LRP2: variants seen among roughly 807,000 people sequenced by gnomAD.
LRP2 encodes LDL receptor related protein 2, also known as low-density lipoprotein receptor-related protein 2.
In LRP2, 172 loss-of-function variants were observed where a neutral mutation model predicts 531.0. The ratio of observed to expected loss-of-function variants is 0.32; its 90% CI spans 0.29 to 0.37. LRP2 has a LOEUF of 0.37. LRP2 is among the 10% of genes least tolerant of loss of function. The probability of loss-of-function intolerance (pLI) is 1.00; values close to 1 mark genes in which losing one functional copy is unlikely to be tolerated. For missense variants in LRP2, 5,167 were observed against 5,868.3 expected, an observed-to-expected ratio of 0.88 and a Z score of 3.90; for synonymous variants, 1,992 against 2,027.6, an observed-to-expected ratio of 0.98 and a Z score of 0.47.
rs1686201146 is a variant in LRP2, at chr2:169,152,981, A to G, written c.12296-17T>C. 1.2e-6 allele frequency: 2 copies of G among 1,612,942 alleles called. No individual in the cohort carries two copies. Among genetic ancestry groups the G allele is most frequent in the East Asian group, 4.5e-5 (2 of 44,878 alleles). ...ACACAACACCTACAGAGGAAGACAC[A>G]CAGGTCAGTTTCATGTCAAGAGCAT... On this transcript the variant is annotated splice_polypyrimidine_tract_variant and intron_variant, in intron 66 of 78. Coordinates refer to ENST00000649046, the MANE Select transcript of LRP2 (RefSeq NM_004525.3).
chr2:169,345,897 CT>C (rs1685685941), intron 1 of LRP2, among the ~76,000 whole-genome samples: 1 of 152,164 alleles, frequency 6.6e-6, no homozygotes, highest in Admixed American at 6.5e-5. Context: ...AGTCAATTGT[CT>C]TTGATCCACC....
chr2:169,219,429 A>G (rs1688909251), intron 34 of LRP2, among the ~76,000 whole-genome samples: 1 of 152,218 alleles, frequency 6.6e-6, no homozygotes, highest in Non-Finnish European at 1.5e-5. Context: ...GAAATAGCCA[A>G]TCAAACAGAC....
intron 16 of LRP2, among the ~76,000 whole-genome samples, chr2:169,263,646 T>A (rs1041034046): frequency 7.9e-5 from 12 of 150,984 alleles, no homozygotes; most frequent in Admixed American, 3.3e-4. Flanking sequence ...ACACTGTTGG[T>A]GGGACTGTAA....
chr2:169,180,498 G>C (rs1687387107), intron 52 of LRP2, among the ~76,000 whole-genome samples: 1 of 152,184 alleles, frequency 6.6e-6, no homozygotes, highest in South Asian at 2.1e-4. Flanking sequence ...AAAGTACTTG[G>C]ATTGATTAAT....
At chr2:169,220,673 G>A in intron 33 of LRP2, 110 bp from the exon 34 acceptor site, 1 of 714,400 alleles carries the variant, frequency 1.4e-6, no homozygotes, top group Non-Finnish European at 2.5e-6. Context: ...GATTAGGGAT[G>A]GATGAGAGAG....
intron 33 of LRP2, among the ~76,000 whole-genome samples, chr2:169,222,605 T>C (rs186031989): frequency 1.3e-5 from 2 of 152,328 alleles, no homozygotes; most frequent in East Asian, 3.9e-4. Flanking sequence ...GAATGCTATA[T>C]ATACTATATT....
At chr2:169,224,452 G>A (rs1002319900) in intron 33 of LRP2, among the ~76,000 whole-genome samples, 4 of 152,170 alleles carry the variant, frequency 2.6e-5, no homozygotes, top group Non-Finnish European at 4.4e-5. Context: ...AGAGTAAAAA[G>A]AACACTTATC....
intron 69 of LRP2, among the ~76,000 whole-genome samples, chr2:169,146,531 A>T (rs1440621978): frequency 6.6e-6 from 1 of 152,170 alleles, no homozygotes; most frequent in African/African-American, 2.4e-5. Flanking sequence ...AAAGTTGTGT[A>T]AAAAGGACGA....
rs866160148 is a variant in LRP2, at chr2:169,174,141, C to T, written c.10792G>A (p.Glu3598Lys). Reference protein sequence around the residue: ...LCENHHCDSNEWQCANKRCIP... With the variant: ...LCENHHCDSNKWQCANKRCIP... ...CAACGTTTGTTGGCGCACTGCCATT[C>T]ATTGGAGTCACAGTGGTGATTCTCT... Residue 3598 changes from glutamate to lysine, a missense_variant, in exon 56 of 79, where the codon GAA (glutamate) becomes AAA (lysine). Glu to Lys is a moderately conservative substitution (Grantham distance 56). This residue lies in a region of LRP2 where 311 missense variants were observed against 309.4 expected (regional missense o/e 1.01). Transcript: ENST00000649046. The T allele has an allele frequency of 1.2e-6, 2 of 1,614,210 alleles. No homozygotes were observed. Among genetic ancestry groups the T allele is most frequent in the East Asian group, 2.2e-5 (1 of 44,884 alleles).
In LRP2 at chr2:169,233,550, G is replaced by C; in HGVS notation, c.4959C>G (p.Asp1653Glu). 6.2e-7 allele frequency: 1 copy of C among 1,614,156 alleles called. No homozygotes were observed. The highest frequency in any genetic ancestry group is 1.1e-5 in the South Asian group (1 of 91,080). The change falls in exon 30 of 79, where the codon GAC becomes GAG. Residue 1653 changes from aspartate (D) to glutamate (E), a missense_variant. Physicochemically the swap from Asp to Glu is conservative, Grantham distance 45 (BLOSUM62 2). This residue lies in a region of LRP2 where 2,811 missense variants were observed against 3,058.0 expected (regional missense o/e 0.92). Coordinates refer to ENST00000649046, the MANE Select transcript of LRP2 (RefSeq NM_004525.3). ...RHPYALTLFE[D>E]SVYWTDRATR... ...TAGCACGGTCAGTCCAGTACACAGA[G>C]TCTTCAAAGAGAGTTAGGGCATAGG... is the stretch of plus-strand genomic sequence containing the variant.
At chr2:169,149,682 C>T (rs1686052225) in intron 68 of LRP2, among the ~76,000 whole-genome samples, 1 of 151,786 alleles carries the variant, frequency 6.6e-6, no homozygotes, top group Non-Finnish European at 1.5e-5. Flanking sequence ...ACTGAAAATA[C>T]AAAAATTAGC....
chr2:169,198,847 A>C lies in LRP2; in HGVS notation c.8517T>G (p.Val2839=), dbSNP rs777359485. The C allele has an allele frequency of 1.9e-5, 31 of 1,613,920 alleles. No homozygotes were observed. The highest frequency in any genetic ancestry group is 2.5e-5 in the Non-Finnish European group (30 of 1,179,908). The change falls in exon 45 of 79, where the codon GTT becomes GTG. Residue 2839 remains valine, a synonymous_variant. Transcript: ENST00000649046. ...AGTCATTGTCTCCGTCACACAAATA[A>C]ACGCGAGGAATACAAATATTTGAAT... ...CHNSNICIPR[V]YLCDGDNDCG... is the part of the protein sequence containing the mutation.
At position 169,182,252 on chromosome 2, in the gene LRP2, G is replaced by A. The variant is rs373673298; in HGVS notation, c.9913C>T (p.Arg3305Cys). 1.3e-5 allele frequency: 21 copies of A among 1,613,980 alleles called. No homozygotes were observed. The highest frequency in any genetic ancestry group is 6.7e-5 in the Admixed American group (4 of 59,990). ...TCCACACAGTGCTGGGCCAGCATGC[G>A]GCGGTGTCCACCATTGAGGTCAGAG... is the stretch of plus-strand genomic sequence containing the variant. ...FVSDLNGGHR[R>C]MLAQHCVDAN... Residue 3305 changes from arginine to cysteine, a missense_variant, in exon 51 of 79, where the codon CGC (arginine) becomes TGC (cysteine). Physicochemically the swap from Arg to Cys is radical, Grantham distance 180. Transcript: ENST00000649046.
chr2:169,223,578 A>G (rs1433419484), intron 33 of LRP2, among the ~76,000 whole-genome samples: 1 of 152,170 alleles, frequency 6.6e-6, no homozygotes, highest in Admixed American at 6.5e-5. Context: ...TGCCACTGTC[A>G]AAGAGGGTTA....
At chr2:169,306,516 A>G (rs1184779269) in intron 4 of LRP2, among the ~76,000 whole-genome samples, 1 of 152,188 alleles carries the variant, frequency 6.6e-6, no homozygotes, top group African/African-American at 2.4e-5. Flanking sequence ...CTGGGCAACA[A>G]GAGTGAAACT....
chr2:169,203,578 G>A (rs946327086), intron 42 of LRP2, among the ~76,000 whole-genome samples: 5 of 152,160 alleles, frequency 3.3e-5, no homozygotes, highest in Non-Finnish European at 7.3e-5. Context: ...TGGCCAACAT[G>A]GTGAAGCCCC....
At chr2:169,269,833 A>G (rs1683350821) in intron 16 of LRP2, among the ~76,000 whole-genome samples, 1 of 152,246 alleles carries the variant, frequency 6.6e-6, no homozygotes, top group South Asian at 2.1e-4. Context: ...ACAGAATAGG[A>G]GAAAATTTTT....
chr2:169,134,578 A>T (rs921278768), intron 76 of LRP2, among the ~76,000 whole-genome samples: 4 of 152,182 alleles, frequency 2.6e-5, no homozygotes, highest in Admixed American at 2.6e-4. Flanking sequence ...AAGGCAGGCT[A>T]TGCTATAGTA....
chr2:169,308,626 T>C (rs555368640), intron 3 of LRP2, among the ~76,000 whole-genome samples: 3 of 152,258 alleles, frequency 2.0e-5, no homozygotes, highest in Non-Finnish European at 4.4e-5. Flanking sequence ...GTATCATTGA[T>C]GGACTTTTGG....
Sources: gnomAD v4.1 joint callset for allele counts (sites outside exome capture counted in the v4.1 genomes callset) on GRCh38, gnomAD v4.1.1 for gene constraint, gnomAD v4.1.1 regional missense constraint, MANE v1.5 for transcripts, NCBI Gene and HGNC (gene_info 2026-07-23, HGNC 2026-07-21) for gene names.